Variants in HMCN2 observed in about 807,000 individuals in gnomAD.
HMCN2 encodes hemicentin-2.
Under a neutral mutation model 377.5 loss-of-function variants are expected in HMCN2, and 325 were observed. The observed-to-expected ratio is 0.86, with a 90% CI of 0.79 to 0.94. HMCN2 has a LOEUF of 0.94. HMCN2 is among the 40% of genes least tolerant of loss of function. The pLI, the probability that HMCN2 is intolerant of heterozygous loss-of-function variation, is 0.00. For synonymous variants in HMCN2, 2,007 were observed against 2,046.8 expected, an observed-to-expected ratio of 0.98 and a Z score of 0.53; for missense variants, 4,543 against 4,725.3, an observed-to-expected ratio of 0.96 and a Z score of 1.13.
At chr9:130,301,030 C>T (rs1158117116) in intron 8 of HMCN2, among the ~76,000 whole-genome samples, 1 of 152,236 alleles carries the variant, frequency 6.6e-6, no homozygotes, top group Non-Finnish European at 1.5e-5. Context: ...GAGAGGCATC[C>T]TCCTCTGTCC....
chr9:130,406,476 C>T (rs1212803225), intron 82 of HMCN2: 2 of 294,066 alleles, frequency 6.8e-6, no homozygotes, highest in African/African-American at 4.4e-5. Context: ...GGACCCTCAG[C>T]AAACCCCTTT....
At position 130,265,940 on chromosome 9, in the gene HMCN2, CAGTGG is replaced by C. The variant is rs199556785; in HGVS notation, c.63_67del (p.Val22ArgfsTer91). The stretch of plus-strand genomic sequence containing the variant: ...GCGGTCTCTGCGGCAGTGGCAGTGG[CAGTGG>C]CCGGGGCGCCCGGGACGGTAATGCC... On this transcript the variant is annotated frameshift_variant, in exon 1 of 98. Transcript: ENST00000683500. LOFTEE classifies it high-confidence loss of function. The C allele has an allele frequency of 2.3e-6, 1 of 441,696 alleles. No homozygotes were observed. Among genetic ancestry groups the C allele is most frequent in the East Asian group, 7.5e-5 (1 of 13,250 alleles). 27.4% of individuals were successfully genotyped at this position (441,696 alleles called of 1,614,324 possible).
At position 130,360,607 on chromosome 9, in the gene HMCN2, G is replaced by T; in HGVS notation, c.5950+3G>T. ...GCGGTATGGCCTACGGGTCAATGGT[G>T]AGCTTCCCTGGGCCTACAAGGTCCC... is the stretch of plus-strand genomic sequence containing the variant. On this transcript the variant is annotated splice_donor_region_variant and intron_variant, in intron 38 of 97. Transcript: ENST00000683500. This position sits in a 1 kb window ranked among gnomAD's most constrained non-coding sequence, Gnocchi z 4.7. The T allele has an allele frequency of 2.3e-6, 3 of 1,284,108 alleles. No homozygotes were observed. The highest frequency in any genetic ancestry group is 3.1e-6 in the Non-Finnish European group (3 of 976,346). The allele number at this position is 1,284,108 out of a possible 1,614,324, so 79.5% of individuals were successfully genotyped here.
chr9:130,403,929 C>G, intron 80 of HMCN2, 54 bp downstream of exon 80: 1 of 1,254,708 alleles, frequency 8.0e-7, no homozygotes, highest in Non-Finnish European at 1.0e-6. Flanking sequence ...GGCTTTGAGG[C>G]TTCTGCAAGC....
Position 130,394,701 on chromosome 9 carries a change from G to A in HMCN2, c.10692+126G>A. The A allele has an allele frequency of 2.6e-6, 2 of 768,962 alleles. No individual in the cohort carries two copies. The highest frequency in any genetic ancestry group is 3.5e-5 in the South Asian group (2 of 57,262). 47.6% of individuals were successfully genotyped at this position (768,962 alleles called of 1,614,324 possible). A position where few individuals can be genotyped will look rare whatever the true frequency, so the allele number is the denominator to read the frequency against. On this transcript the variant is annotated intron_variant, in intron 69 of 97. Coordinates refer to ENST00000683500, the MANE Select transcript of HMCN2 (RefSeq NM_001291815.2). The surrounding 1 kb of genome is among the most constrained non-coding windows in gnomAD (Gnocchi z 5.1). ...AGCACCTCCTCTGTGTGGGGTGTGA[G>A]GGTGTGGAGGTGACCCACCTTGGCC...
chr9:130,382,587 C>A (rs1841788801), intron 55 of HMCN2, 92 bp from the exon 56 acceptor site: 3 of 368,496 alleles, frequency 8.1e-6, no homozygotes, highest in Non-Finnish European at 1.1e-5. Flanking sequence ...TCCCGACCAG[C>A]ACCTGACACC....
In HMCN2 at chr9:130,348,053, G is replaced by A. The variant is rs559652759; in HGVS notation, c.4025-492G>A. 3 of 985,354 alleles carry A rather than the reference G, an allele frequency of 3.0e-6. No individual in the cohort carries two copies. In the East Asian group the frequency reaches 3.4e-4, roughly 112 times the overall value. 61.0% of individuals were successfully genotyped at this position (985,354 alleles called of 1,614,324 possible). On this transcript the variant is annotated intron_variant, in intron 26 of 97. Transcript: ENST00000683500. Reference sequence around the variant, plus strand: ...TAACACGGGCAGTGTGGGTGGGCTGGGGAGTGGTCTCTGTCGGCAGGATGA... The same window carrying A: ...TAACACGGGCAGTGTGGGTGGGCTGAGGAGTGGTCTCTGTCGGCAGGATGA...
At position 130,414,817 on chromosome 9, in the gene HMCN2, G is replaced by A. The variant is rs557955196; in HGVS notation, c.12962-3955G>A. Among the ~76,000 whole-genome samples the A allele has an allele frequency of 1.4e-3, 209 of 152,172 alleles. No individual in the cohort carries two copies. The highest frequency in any genetic ancestry group is 4.6e-3 in the African/African-American group (192 of 41,496). On this transcript the variant is annotated intron_variant, in intron 85 of 97. Coordinates refer to ENST00000683500, the MANE Select transcript of HMCN2 (RefSeq NM_001291815.2). This position sits in a 1 kb window ranked among gnomAD's most constrained non-coding sequence, Gnocchi z 4.4. ...TTTTGTAGAGACAGGGTCTCCTTAT[G>A]TTGCCTAAGCCAGTCTCAAACTCCT...
intron 1 of HMCN2, among the ~76,000 whole-genome samples, chr9:130,273,364 G>C (rs558046226): frequency 1.3e-5 from 2 of 152,148 alleles, no homozygotes; most frequent in South Asian, 4.2e-4. Context: ...GAGAGTCACA[G>C]CTTGTCCAAA....
chr9:130,403,143 G>T, intron 78 of HMCN2, 51 bp from the exon 79 acceptor site: 1 of 1,261,432 alleles, frequency 7.9e-7, no homozygotes. Context: ...CTGGTTGGAG[G>T]AGTTGTGTTA....
At position 130,423,546 on chromosome 9, in the gene HMCN2, C is replaced by T. The variant is rs990973570; in HGVS notation, c.13381+820C>T. 6.6e-6 allele frequency among the ~76,000 whole-genome samples: 1 copy of T among 152,226 alleles called. No individual in the cohort carries two copies. Among genetic ancestry groups the T allele is most frequent in the Non-Finnish European group, 1.5e-5 (1 of 68,044 alleles). ...CTGGAGAAGCATCTGGCCCCAAGCC[C>T]GTGGACCAGGCTTTGTTCCATGAAA... On this transcript the variant is annotated intron_variant, in intron 87 of 97. Coordinates refer to ENST00000683500, the MANE Select transcript of HMCN2 (RefSeq NM_001291815.2). This position sits in a 1 kb window ranked among gnomAD's most constrained non-coding sequence, Gnocchi z 5.5.
chr9:130,309,429 C>T (rs1249945672), intron 14 of HMCN2, among the ~76,000 whole-genome samples: 2 of 142,942 alleles, frequency 1.4e-5, no homozygotes. Flanking sequence ...GTAGGATAAT[C>T]GCTTGAACCT....
chr9:130,269,615 A>G lies in HMCN2; in HGVS notation c.259+3478A>G, dbSNP rs1455009480. The stretch of plus-strand genomic sequence containing the variant: ...TTTTCTAATTCAAAAATGGAAAATG[A>G]TATCTTCTTGTTTCAATTGCTAGTG... On this transcript the variant is annotated intron_variant, in intron 1 of 97. Coordinates refer to ENST00000683500, the MANE Select transcript of HMCN2 (RefSeq NM_001291815.2). Among the ~76,000 whole-genome samples the G allele has an allele frequency of 3.4e-5, 5 of 148,496 alleles. 1 individual carries two copies. Among genetic ancestry groups the G allele is most frequent in the Non-Finnish European group, 7.5e-5 (5 of 66,236 alleles).
chr9:130,427,626 G>C lies in HMCN2; in HGVS notation c.14065+7G>C. On this transcript the variant is annotated splice_region_variant and intron_variant, in intron 92 of 97. Transcript: ENST00000683500. ...GATGACAGGAACTGCAGAGGTGAGG[G>C]AGCTGCCGGGAGGAGGGAGGAGACG... The C allele has an allele frequency of 5.8e-6, 9 of 1,548,214 alleles. No individual in the cohort carries two copies. Among genetic ancestry groups the C allele is most frequent in the Non-Finnish European group, 7.9e-6 (9 of 1,146,094 alleles).
chr9:130,354,713 A>C (rs1172371831), intron 31 of HMCN2, 50 bp from the exon 32 acceptor site: 1 of 1,243,882 alleles, frequency 8.0e-7, no homozygotes, highest in African/African-American at 1.5e-5. Flanking sequence ...AGATGAGAGC[A>C]GGCTAGCGTC....
intron 97 of HMCN2, 166 bp from the exon 98 acceptor site, chr9:130,433,182 C>A: frequency 1.9e-6 from 1 of 530,750 alleles, no homozygotes; most frequent in East Asian, 3.5e-5. Context: ...CTAAAACGGG[C>A]TAGCGTGGGA....
Position 130,429,663 on chromosome 9 carries a change from G to A in HMCN2, c.14304G>A (p.Gln4768=). The A allele has an allele frequency of 6.5e-7, 1 of 1,542,056 alleles. No individual in the cohort carries two copies. The highest frequency in any genetic ancestry group is 8.8e-7 in the Non-Finnish European group (1 of 1,142,122). ...GCTGCCCCAGGGGTTACCGGATGCA[G>A]GGCCCCAGCCTGCCCTGCCTAGGTA... ...RCSCPRGYRM[Q]GPSLPCLDVN... Residue 4768 remains glutamine (Q), a synonymous_variant, in exon 94 of 98, where the codon CAG becomes CAA. Coordinates refer to ENST00000683500, the MANE Select transcript of HMCN2 (RefSeq NM_001291815.2).
intron 1 of HMCN2, among the ~76,000 whole-genome samples, chr9:130,278,413 C>T (rs544264639): frequency 2.5e-4 from 38 of 152,130 alleles, no homozygotes; most frequent in South Asian, 4.2e-4. Context: ...CGTGAGCCAC[C>T]GCGCCCGGCC....
chr9:130,349,686 A>T (rs564670947), intron 29 of HMCN2, 23 bp downstream of exon 29: 2 of 1,298,674 alleles, frequency 1.5e-6, no homozygotes, highest in Middle Eastern at 2.1e-4. Flanking sequence ...CTCCCCGAGG[A>T]TGGCGTGTGG....
Sources: allele counts gnomAD v4.1 joint callset (sites outside exome capture counted in the v4.1 genomes callset), GRCh38; gene constraint gnomAD v4.1.1; non-coding constraint Gnocchi (gnomAD v3.1); transcripts MANE v1.5; gene names NCBI Gene and HGNC (gene_info 2026-07-23, HGNC 2026-07-21).